DENND2A: variants seen among roughly 807,000 people sequenced by gnomAD.
DENND2A encodes DENN domain-containing protein 2A.
In DENND2A, 53 loss-of-function variants were observed where a neutral mutation model predicts 105.3. The observed-to-expected ratio is 0.50, with a 90% CI of 0.40 to 0.63. DENND2A has a LOEUF of 0.63. DENND2A is among the 30% of genes least tolerant of loss of function. The probability of loss-of-function intolerance (pLI) is 0.00; values close to 1 mark genes in which losing one functional copy is unlikely to be tolerated. For synonymous variants in DENND2A, 522 were observed against 508.4 expected, an observed-to-expected ratio of 1.03 and a Z score of -0.36; for missense variants, 1,138 against 1,279.6, an observed-to-expected ratio of 0.89 and a Z score of 1.69.
At chr7:140,584,862 A>T (rs1218104366) in intron 5 of DENND2A, among the ~76,000 whole-genome samples, 2 of 152,172 alleles carry the variant, frequency 1.3e-5, no homozygotes. Context: ...AAAAACCCAC[A>T]TATAGACATG....
At chr7:140,610,587 G>GT (rs897815595) in intron 1 of DENND2A, among the ~76,000 whole-genome samples, 4 of 152,022 alleles carry the variant, frequency 2.6e-5, no homozygotes, top group Admixed American at 6.6e-5. Context: ...TGAACACACT[G>GT]TTTTTTGTTT....
chr7:140,557,235 T>C (rs916533391), intron 11 of DENND2A, among the ~76,000 whole-genome samples: 3 of 151,506 alleles, frequency 2.0e-5, no homozygotes, highest in Non-Finnish European at 4.4e-5. Context: ...CAAGATCCTG[T>C]CTCTACAAAT....
Position 140,555,664 on chromosome 7 carries a change from C to A in DENND2A, c.2009G>T (p.Arg670Leu), listed in dbSNP as rs562738531. 1.2e-6 allele frequency: 2 copies of A among 1,609,302 alleles called. No individual in the cohort carries two copies. Among genetic ancestry groups the A allele is most frequent in the South Asian group, 2.2e-5 (2 of 90,314 alleles). Residue 670 changes from arginine to leucine, a missense_variant, in exon 12 of 20, where the codon CGC (arginine) becomes CTC (leucine). Coordinates refer to ENST00000496613, the MANE Select transcript of DENND2A (RefSeq NM_015689.5). Reference sequence around the variant, plus strand: ...TGAAAAGAGGCTGAAGCATCCCAGGCGGCTCACAATGCAGTAAACTTCAGG... The same window carrying A: ...TGAAAAGAGGCTGAAGCATCCCAGGAGGCTCACAATGCAGTAAACTTCAGG... ...RLPEVYCIVSRLGCFSLFSRI... is the reference protein window; with the variant it reads ...RLPEVYCIVSLLGCFSLFSRI...
At chr7:140,551,239 G>T (rs1401601204) in intron 12 of DENND2A, among the ~76,000 whole-genome samples, 2 of 140,592 alleles carry the variant, frequency 1.4e-5, no homozygotes, top group Non-Finnish European at 3.0e-5. Context: ...GGTGGAGGTT[G>T]CAGTGAGCCA....
intron 5 of DENND2A, among the ~76,000 whole-genome samples, chr7:140,584,774 A>G (rs1399391703): frequency 6.6e-6 from 1 of 152,184 alleles, no homozygotes; most frequent in Non-Finnish European, 1.5e-5. Context: ...GGATGGAGAT[A>G]TTCTTACACA....
intron 16 of DENND2A, among the ~76,000 whole-genome samples, chr7:140,525,477 G>C (rs144109674): frequency 8.9e-4 from 135 of 152,272 alleles, no homozygotes; most frequent in African/African-American, 3.2e-3. Flanking sequence ...GAAAAATCTA[G>C]GTGCCTATAG....
At chr7:140,637,168 T>C (rs1800972254) in intron 1 of DENND2A, among the ~76,000 whole-genome samples, 1 of 151,914 alleles carries the variant, frequency 6.6e-6, no homozygotes, top group Non-Finnish European at 1.5e-5. Flanking sequence ...TTACTTTTTA[T>C]AGAGATGGGG....
chr7:140,551,483 C>T (rs1797138213), intron 12 of DENND2A, among the ~76,000 whole-genome samples: 1 of 151,998 alleles, frequency 6.6e-6, no homozygotes, highest in Non-Finnish European at 1.5e-5. Flanking sequence ...CACATGTGGG[C>T]CATCTCACTG....
Position 140,526,124 on chromosome 7 carries a change from G to A in DENND2A, c.2506-332C>T, listed in dbSNP as rs538433018. On this transcript the variant is annotated intron_variant, in intron 15 of 19. Transcript: ENST00000496613. ...GTGTGGGCTACTGAGGTAGGCAAAA[G>A]ACGCTGCAGGCCTCCCTGGCTCCCA... is the stretch of plus-strand genomic sequence containing the variant. Among the ~76,000 whole-genome samples the A allele has an allele frequency of 5.3e-5, 8 of 152,306 alleles. No individual in the cohort carries two copies. The South Asian group carries it at 1.7e-3, about 32-fold the overall frequency.
chr7:140,587,542 G>A (rs1246428674), intron 4 of DENND2A, 111 bp downstream of exon 4: 5 of 1,426,298 alleles, frequency 3.5e-6, no homozygotes, highest in African/African-American at 2.8e-5. Flanking sequence ...GTCTTCAAGT[G>A]TGTGTGTGTG....
At chr7:140,637,981 G>A (rs543923610) in intron 1 of DENND2A, among the ~76,000 whole-genome samples, 4 of 152,228 alleles carry the variant, frequency 2.6e-5, no homozygotes, top group African/African-American at 7.2e-5. Context: ...CCTCACAGAA[G>A]TGCAGTTCAC....
intron 3 of DENND2A, among the ~76,000 whole-genome samples, chr7:140,593,014 A>G (rs777823968): frequency 2.0e-5 from 3 of 152,220 alleles, no homozygotes; most frequent in Non-Finnish European, 2.9e-5. Context: ...GATCACACCA[A>G]TCCTTCAACT....
intron 17 of DENND2A, 24 bp from the exon 18 acceptor site, chr7:140,522,124 G>A: frequency 6.2e-7 from 1 of 1,613,064 alleles, no homozygotes. Flanking sequence ...GGAAAGGCCA[G>A]GAACGGTGAG....
At chr7:140,567,334 G>GAGAC in intron 8 of DENND2A, 61 bp from the exon 9 acceptor site, 1 of 1,380,130 alleles carries the variant, frequency 7.2e-7, no homozygotes, top group East Asian at 2.5e-5. Context: ...GAGAGAGAGA[G>GAGAC]AGAGAGAGAG....
At chr7:140,525,836 C>G in intron 15 of DENND2A, 44 bp from the exon 16 acceptor site, 1 of 1,551,442 alleles carries the variant, frequency 6.4e-7, no homozygotes, top group Non-Finnish European at 8.8e-7. Context: ...ACCAGGGCTT[C>G]TGGGATAGGG....
At chr7:140,536,852 G>A (rs187795987) in intron 14 of DENND2A, among the ~76,000 whole-genome samples, 3 of 152,048 alleles carry the variant, frequency 2.0e-5, no homozygotes, top group Admixed American at 6.5e-5. Context: ...TAGTACAGAC[G>A]GGGTTTCACC....
chr7:140,617,032 A>G (rs1401457839), intron 1 of DENND2A, among the ~76,000 whole-genome samples: 4 of 152,112 alleles, frequency 2.6e-5, no homozygotes, highest in Non-Finnish European at 5.9e-5. Flanking sequence ...TGAATTTTGT[A>G]GTTTTAGTAG....
intron 9 of DENND2A, among the ~76,000 whole-genome samples, chr7:140,560,809 CTGTA>C (rs1163625738): frequency 1.3e-5 from 2 of 151,966 alleles, no homozygotes. Context: ...TGGCCGGCAC[CTGTA>C]GTCCCAGCTG....
intron 1 of DENND2A, among the ~76,000 whole-genome samples, chr7:140,609,005 C>A (rs971835978): frequency 2.6e-5 from 4 of 152,114 alleles, no homozygotes; most frequent in African/African-American, 9.7e-5. Flanking sequence ...ATCTCTTGCT[C>A]GCAAGAAATC....
Sources: gnomAD v4.1 joint callset for allele counts (sites outside exome capture counted in the v4.1 genomes callset) on GRCh38, gnomAD v4.1.1 for gene constraint, MANE v1.5 for transcripts, NCBI Gene and HGNC (gene_info 2026-07-23, HGNC 2026-07-21) for gene names.